Variants in TENM2 observed in about 807,000 individuals in gnomAD.
The protein encoded by TENM2 is teneurin-2.
TENM2 carries 52 observed loss-of-function variants against 245.2 expected under a neutral mutation model. The observed-to-expected ratio is 0.21, with a 90% CI of 0.17 to 0.27. The LOEUF (loss-of-function observed/expected upper bound fraction) is 0.27, where lower values mean the gene tolerates loss of function less well. TENM2 is among the 10% of genes least tolerant of loss of function. The pLI, the probability that TENM2 is intolerant of heterozygous loss-of-function variation, is 1.00. For missense variants in TENM2, 3,046 were observed against 3,666.8 expected (o/e 0.83, Z 4.37); for synonymous variants, 1,363 against 1,438.9 (o/e 0.95, Z 1.19).
At chr5:167,410,211 A>C (rs1436722498) in intron 2 of TENM2, among the ~76,000 whole-genome samples, 1 of 151,934 alleles carries the variant, frequency 6.6e-6, no homozygotes, top group Admixed American at 6.6e-5. Context: ...ATATGTTTGA[A>C]TTTGTCTTGA....
At chr5:167,443,994 C>A (rs1482210243) in intron 2 of TENM2, among the ~76,000 whole-genome samples, 2 of 151,788 alleles carry the variant, frequency 1.3e-5, no homozygotes, top group Non-Finnish European at 2.9e-5. Flanking sequence ...TTAAAATAGC[C>A]CTAAAATATT....
intron 2 of TENM2, among the ~76,000 whole-genome samples, chr5:167,704,482 G>C (rs1381933956): frequency 6.6e-6 from 1 of 152,050 alleles, no homozygotes; most frequent in East Asian, 1.9e-4. Flanking sequence ...AAAAGTAAAT[G>C]CCTCTGATAA....
intron 4 of TENM2, among the ~76,000 whole-genome samples, chr5:167,963,690 G>C (rs1781178831): frequency 1.3e-5 from 2 of 152,192 alleles, no homozygotes; most frequent in African/African-American, 4.8e-5. Flanking sequence ...TGTCTCCTTA[G>C]ACCAGTGGGG....
intron 3 of TENM2, among the ~76,000 whole-genome samples, chr5:167,931,941 T>C (rs11959037): frequency 0.13 from 19,358 of 152,222 alleles, 1,421 homozygotes; most frequent in African/African-American, 0.2. Context: ...TCAACCTCTA[T>C]GAGTGTTCTA....
intron 6 of TENM2, among the ~76,000 whole-genome samples, chr5:168,060,674 C>T (rs1239967037): frequency 6.6e-6 from 1 of 152,142 alleles, no homozygotes; most frequent in Non-Finnish European, 1.5e-5. Flanking sequence ...TATTGAGCTG[C>T]ATAAAAATCA....
intron 12 of TENM2, among the ~76,000 whole-genome samples, chr5:168,151,173 AC>A (rs1247437389): frequency 6.6e-6 from 1 of 152,136 alleles, no homozygotes; most frequent in Non-Finnish European, 1.5e-5. Context: ...ATGTCACCTC[AC>A]ACAACTCTTG....
At chr5:167,470,777 G>C (rs1174941513) in intron 2 of TENM2, among the ~76,000 whole-genome samples, 1 of 151,914 alleles carries the variant, frequency 6.6e-6, no homozygotes, top group Non-Finnish European at 1.5e-5. Flanking sequence ...ACACAAGCGA[G>C]GTAGCCATTT....
At chr5:167,841,379 T>C (rs1433114950) in intron 2 of TENM2, among the ~76,000 whole-genome samples, 1 of 152,208 alleles carries the variant, frequency 6.6e-6, no homozygotes, top group African/African-American at 2.4e-5. Context: ...TTTGTAACTT[T>C]AACATTTTGA....
chr5:168,121,102 T>A (rs1795439211), intron 10 of TENM2, among the ~76,000 whole-genome samples: 1 of 152,230 alleles, frequency 6.6e-6, no homozygotes, highest in Non-Finnish European at 1.5e-5. Context: ...ATAGTACATA[T>A]TGTTTGTAAA....
chr5:167,784,065 A>G (rs1330134883), intron 2 of TENM2, among the ~76,000 whole-genome samples: 1 of 152,188 alleles, frequency 6.6e-6, no homozygotes, highest in Non-Finnish European at 1.5e-5. Context: ...ATTTTTTGCA[A>G]TGAAATTAGG....
intron 2 of TENM2, among the ~76,000 whole-genome samples, chr5:167,550,893 T>C (rs1463027060): frequency 6.6e-6 from 1 of 152,028 alleles, no homozygotes; most frequent in Non-Finnish European, 1.5e-5. Flanking sequence ...CACGCTTGGC[T>C]AATTTTCGCA....
chr5:167,790,914 A>G (rs185590257), intron 2 of TENM2, among the ~76,000 whole-genome samples: 14 of 152,318 alleles, frequency 9.2e-5, no homozygotes, highest in Admixed American at 8.5e-4. Flanking sequence ...CAGAGTAGGC[A>G]TTCAGTGACC....
chr5:167,076,049 A>G, the TENM2 span, among the ~76,000 whole-genome samples: 1 of 152,156 alleles, frequency 6.6e-6, no homozygotes, highest in East Asian at 1.9e-4. Context: ...TTTAAATGCC[A>G]TTCTCTTTGC....
the TENM2 span, among the ~76,000 whole-genome samples, chr5:167,098,967 T>A: frequency 6.6e-6 from 1 of 152,216 alleles, no homozygotes; most frequent in Admixed American, 6.5e-5. Context: ...GGCCATGGAA[T>A]CTGTATTGTA....
chr5:168,112,832 G>T (rs747894861), intron 9 of TENM2, among the ~76,000 whole-genome samples: 7 of 152,148 alleles, frequency 4.6e-5, no homozygotes, highest in Admixed American at 2.0e-4. Flanking sequence ...ATTGCTTCAG[G>T]AGGATCAATG....
intron 2 of TENM2, among the ~76,000 whole-genome samples, chr5:167,655,731 G>A (rs537580977): frequency 6.6e-6 from 1 of 152,328 alleles, no homozygotes; most frequent in Admixed American, 6.5e-5. Flanking sequence ...GCTAATCAAA[G>A]TATATGATGG....
intron 2 of TENM2, among the ~76,000 whole-genome samples, chr5:167,454,595 ATG>A (rs1314215998): frequency 1.3e-5 from 2 of 151,456 alleles, no homozygotes; most frequent in Admixed American, 6.6e-5. Flanking sequence ...ATGCATGTGT[ATG>A]TGTGTGTGTC....
At chr5:167,865,620 A>C (rs2151311866) in intron 2 of TENM2, among the ~76,000 whole-genome samples, 1 of 152,230 alleles carries the variant, frequency 6.6e-6, no homozygotes, top group South Asian at 2.1e-4. Context: ...TCTGAAAATT[A>C]ACCAAAAAAA....
chr5:167,400,389 T>A (rs1353659181), intron 2 of TENM2, among the ~76,000 whole-genome samples: 1 of 152,022 alleles, frequency 6.6e-6, no homozygotes, highest in Admixed American at 6.6e-5. Context: ...ACAAGTAGGA[T>A]GACTAGGTTA....
Sources: gnomAD v4.1 joint callset for allele counts (sites outside exome capture counted in the v4.1 genomes callset) on GRCh38, gnomAD v4.1.1 for gene constraint, MANE v1.5 for transcripts, NCBI Gene and HGNC (gene_info 2026-07-23, HGNC 2026-07-21) for gene names.